USP22: variants seen among roughly 807,000 people sequenced by gnomAD.
The protein encoded by USP22 is ubiquitin specific peptidase 22.
In USP22, 22 loss-of-function variants were observed where a neutral mutation model predicts 68.1. The ratio of observed to expected loss-of-function variants is 0.32; its 90% CI spans 0.23 to 0.46. The LOEUF is 0.46. Among genes scored for constraint, USP22 ranks in the 20% least tolerant of loss-of-function variants. USP22 has a pLI of 1.00. For synonymous variants in USP22, 279 were observed against 274.2 expected (o/e 1.02, Z -0.17); for missense variants, 433 against 695.8 (o/e 0.62, Z 4.25).
At chr17:21,015,731 G>GGCAC in intron 6 of USP22, 21 bp downstream of exon 6, 1 of 1,597,592 alleles carries the variant, frequency 6.3e-7, no homozygotes, top group Non-Finnish European at 8.5e-7. Flanking sequence ...CCTGGTGGAG[G>GGCAC]GTGCAGAGCC....
intron 1 of USP22, 102 bp from the exon 2 acceptor site, chr17:21,028,776 A>G (rs1567591699): frequency 1.4e-6 from 2 of 1,414,364 alleles, no homozygotes; most frequent in African/African-American, 1.4e-5. Context: ...CTACTGGAAG[A>G]AAGGACAGGG....
At chr17:21,011,584 AGG>A in intron 7 of USP22, 1 of 410,260 alleles carries the variant, frequency 2.4e-6, no homozygotes. Flanking sequence ...ACAGTCACTG[AGG>A]GACTTGGGAG....
rs1314230362 is a variant in USP22 at position 21,015,767 on chromosome 17, G to A, written c.823C>T (p.His275Tyr). 2 of 1,613,116 alleles carry A rather than the reference G, an allele frequency of 1.2e-6. No individual in the cohort carries two copies. Among genetic ancestry groups the A allele is most frequent in the Non-Finnish European group, 1.7e-6 (2 of 1,179,950 alleles). Residue 275 changes from histidine to tyrosine, a missense_variant, in exon 6 of 13, where the codon CAC becomes TAC. By Grantham distance (83) the His-to-Tyr change is moderately conservative. Around this residue, in one of 4 missense-constraint regions of USP22, gnomAD observed 178 missense variants for 351.5 expected, o/e 0.51. Transcript: ENST00000261497. ...EFLIAALDVL[H>Y]RHCKGDDNGK... ...CAGGGCCCACCTTTGCAGTGTCGGT[G>A]GAGCACGTCCAGGGCCGCGATGAGG...
At position 21,012,826 on chromosome 17, in the gene USP22, T is replaced by C; in HGVS notation, c.944+4A>G. The C allele has an allele frequency of 6.2e-7, 1 of 1,613,782 alleles. No individual in the cohort carries two copies. The highest frequency in any genetic ancestry group is 8.5e-7 in the Non-Finnish European group (1 of 1,179,778). On this transcript the variant is annotated splice_donor_region_variant and intron_variant, in intron 7 of 12. Coordinates refer to ENST00000261497, the MANE Select transcript of USP22 (RefSeq NM_015276.2). ...TATTGCCGAGCACGCAGCCTCTCACTTACTGGCAGACTTGGCAGGTGACGT... is the reference window on the plus strand; with the variant it reads ...TATTGCCGAGCACGCAGCCTCTCACCTACTGGCAGACTTGGCAGGTGACGT...
At position 21,000,239 on chromosome 17, in the gene USP22, A is replaced by G. The variant is rs1270318605; in HGVS notation, c.*2792T>C. On this transcript the variant is annotated 3_prime_UTR_variant, in exon 13 of 13. Transcript: ENST00000261497. ...CAACGGGAGGTTTCCTGAATTTCAC[A>G]GCCAGATGGGGAGCTAAAAGAAATT... 1 of 152,268 alleles carries G rather than the reference A, an allele frequency of 6.6e-6. No individual in the cohort carries two copies. The highest frequency in any genetic ancestry group is 1.9e-4 in the East Asian group (1 of 5,204). The allele number at this position is 152,268 out of a possible 1,614,324, so 9.4% of individuals were successfully genotyped here.
In USP22 at chr17:21,041,268, T is replaced by C. The variant is rs553513022; in HGVS notation, c.171+1397A>G. The stretch of plus-strand genomic sequence containing the variant: ...ACGTTTTATGTCTGATTTTAGTTCA[T>C]CCAGACATAACGCTACCTGATACCA... On this transcript the variant is annotated intron_variant, in intron 1 of 12. Coordinates refer to ENST00000261497, the MANE Select transcript of USP22 (RefSeq NM_015276.2). 1.2e-3 allele frequency among the ~76,000 whole-genome samples: 184 copies of C among 152,282 alleles called. 2 individuals carry two copies. Among genetic ancestry groups the C allele is most frequent in the Non-Finnish European group, 2.1e-3 (144 of 68,022 alleles).
intron 2 of USP22, among the ~76,000 whole-genome samples, chr17:21,025,321 A>G (rs1387488268): frequency 6.6e-6 from 1 of 152,220 alleles, no homozygotes; most frequent in Non-Finnish European, 1.5e-5. Context: ...CAAAGCCACA[A>G]TGAGATACCA....
chr17:21,001,815 T>C lies in USP22; in HGVS notation c.*1216A>G, dbSNP rs1254125905. On this transcript the variant is annotated 3_prime_UTR_variant, in exon 13 of 13. Transcript: ENST00000261497. ...ATGGACAAACCATCTCTGTTTGAAT[T>C]TGAATACACAGATACATGCAAGATA... 2.6e-5 allele frequency: 4 copies of C among 152,254 alleles called. No individual in the cohort carries two copies. The highest frequency in any genetic ancestry group is 2.9e-5 in the Non-Finnish European group (2 of 68,036). The allele number at this position is 152,254 out of a possible 1,614,324, so 9.4% of individuals were successfully genotyped here. A position where few individuals can be genotyped will look rare whatever the true frequency, so the allele number is the denominator to read the frequency against.
intron 8 of USP22, 110 bp from the exon 9 acceptor site, chr17:21,008,106 CAT>C (rs1472139699): frequency 1.5e-6 from 2 of 1,293,960 alleles, no homozygotes; most frequent in African/African-American, 3.0e-5. Context: ...CTACCAAAAA[CAT>C]ACACTTACAA....
chr17:21,020,956 C>CGGACTCCACTGTGGGCCTTAGGGGAAGG (rs1972149479), intron 3 of USP22, among the ~76,000 whole-genome samples, 157 bp downstream of exon 3: 1 of 152,180 alleles, frequency 6.6e-6, no homozygotes, highest in Non-Finnish European at 1.5e-5. Flanking sequence ...AGAGCTTCAG[C>CGGACTCCACTGTGGGCCTTAGGGGAAGG]TGACTCCACT....
chr17:21,014,428 A>G (rs1242135581), intron 6 of USP22, among the ~76,000 whole-genome samples: 1 of 152,262 alleles, frequency 6.6e-6, no homozygotes, highest in Non-Finnish European at 1.5e-5. Context: ...CTTATAAATC[A>G]TACTAGGACA....
chr17:21,002,314 T>C lies in USP22; in HGVS notation c.*717A>G, dbSNP rs972349713. On this transcript the variant is annotated 3_prime_UTR_variant, in exon 13 of 13. Coordinates refer to ENST00000261497, the MANE Select transcript of USP22 (RefSeq NM_015276.2). ...TACCTAAATTTCTGTATAAACTCAG[T>C]AATTCATTCACTTTACTAGTATTAC... The C allele has an allele frequency of 5.3e-5, 8 of 152,358 alleles. No homozygotes were observed. Among genetic ancestry groups the C allele is most frequent in the African/African-American group, 1.9e-4 (8 of 41,578 alleles). 9.4% of individuals were successfully genotyped at this position (152,358 alleles called of 1,614,324 possible).
chr17:21,035,844 C>T (rs954980111), intron 1 of USP22, among the ~76,000 whole-genome samples: 2 of 151,904 alleles, frequency 1.3e-5, no homozygotes, highest in Non-Finnish European at 2.9e-5. Context: ...TCCTGGCTAA[C>T]ACAGTGAAAC....
Position 21,042,884 on chromosome 17 carries a change from G to A in USP22, c.-49C>T, listed in dbSNP as rs1247129113. 1.0e-5 allele frequency: 12 copies of A among 1,195,072 alleles called. No homozygotes were observed. In the East Asian group the frequency reaches 4.0e-4, roughly 40 times the overall value. The allele number at this position is 1,195,072 out of a possible 1,614,324, so 74.0% of individuals were successfully genotyped here. A position where few individuals can be genotyped will look rare whatever the true frequency, so the allele number is the denominator to read the frequency against. ...CGGGGGGCGGCGGCGAGGGAGGCGAGGACGACGCCAGCGCGGCGTGGGGGC... is the reference window on the plus strand; with the variant it reads ...CGGGGGGCGGCGGCGAGGGAGGCGAAGACGACGCCAGCGCGGCGTGGGGGC... On this transcript the variant is annotated 5_prime_UTR_variant, in exon 1 of 13. Transcript: ENST00000261497.
chr17:21,017,537 C>A (rs1238304213), intron 5 of USP22, among the ~76,000 whole-genome samples: 1 of 152,222 alleles, frequency 6.6e-6, no homozygotes, highest in Non-Finnish European at 1.5e-5. Flanking sequence ...TCTGATGGGG[C>A]ATGCTTAGAG....
Position 21,002,278 on chromosome 17 carries a change from AAAG to A in USP22, c.*750_*752del, listed in dbSNP as rs1567788224. The A allele has an allele frequency of 6.6e-6, 1 of 152,230 alleles. No homozygotes were observed. Among genetic ancestry groups the A allele is most frequent in the African/African-American group, 2.4e-5 (1 of 41,456 alleles). 9.4% of individuals were successfully genotyped at this position (152,230 alleles called of 1,614,324 possible). ...AAAAGCAAGACTCGCTCTTGAGACT[AAAG>A]GAGAAGTTACCTAAATTTCTGTATA... On this transcript the variant is annotated 3_prime_UTR_variant, in exon 13 of 13. Transcript: ENST00000261497.
At chr17:21,015,975 C>CTT in intron 5 of USP22, 76 bp from the exon 6 acceptor site, 1 of 1,498,620 alleles carries the variant, frequency 6.7e-7, no homozygotes, top group East Asian at 2.5e-5. Context: ...CAATCAAAAC[C>CTT]TTTATCAGAT....
At chr17:21,012,999 A>G in intron 6 of USP22, 64 bp from the exon 7 acceptor site, 2 of 1,526,424 alleles carry the variant, frequency 1.3e-6, no homozygotes, top group Non-Finnish European at 1.8e-6. Flanking sequence ...CTAAGGGAAG[A>G]GCAGTTCACC....
At chr17:21,037,358 A>T (rs1418617155) in intron 1 of USP22, among the ~76,000 whole-genome samples, 2 of 152,212 alleles carry the variant, frequency 1.3e-5, no homozygotes, top group Non-Finnish European at 2.9e-5. Context: ...TACATAAAGG[A>T]GGGAAAGAGT....
Sources: gnomAD v4.1 joint callset for allele counts (sites outside exome capture counted in the v4.1 genomes callset) on GRCh38, gnomAD v4.1.1 for gene constraint, gnomAD v4.1.1 regional missense constraint, MANE v1.5 for transcripts, NCBI Gene and HGNC (gene_info 2026-07-23, HGNC 2026-07-21) for gene names.